SMAD1: variants seen among roughly 807,000 people sequenced by gnomAD.
SMAD1 encodes SMAD family member 1.
SMAD1 carries 6 observed loss-of-function variants against 41.6 expected under a neutral mutation model. The ratio of observed to expected loss-of-function variants is 0.14; its 90% CI spans 0.08 to 0.28. SMAD1 has a LOEUF of 0.28. Ranked by LOEUF, SMAD1 falls within the 10% of genes least tolerant of loss-of-function variation. SMAD1 has a pLI of 1.00. For synonymous variants in SMAD1, 206 were observed against 203.2 expected (o/e 1.01, Z -0.12); for missense variants, 379 against 582.6 (o/e 0.65, Z 3.60).
At chr4:145,515,170 G>GTGTGTGTGTGTGTC (rs1553945852) in intron 2 of SMAD1, among the ~76,000 whole-genome samples, 157 bp downstream of exon 2, 1 of 150,094 alleles carries the variant, frequency 6.7e-6, no homozygotes, top group Non-Finnish European at 1.5e-5. Flanking sequence ...GTGTGTGTGT[G>GTGTGTGTGTGTGTC]TGTGTGTCTG....
intron 1 of SMAD1, among the ~76,000 whole-genome samples, chr4:145,496,783 A>G (rs565074189): frequency 1.3e-3 from 198 of 152,246 alleles, no homozygotes; most frequent in Non-Finnish European, 2.0e-3. Context: ...GAGACCATGG[A>G]TGCACTTTTA....
intron 2 of SMAD1, among the ~76,000 whole-genome samples, chr4:145,524,612 C>T (rs527654050): frequency 6.6e-6 from 1 of 152,220 alleles, no homozygotes; most frequent in South Asian, 2.1e-4. Flanking sequence ...GCTTTCCTGA[C>T]GTTTGTCTTC....
intron 2 of SMAD1, among the ~76,000 whole-genome samples, chr4:145,515,412 A>G (rs1441624555): frequency 6.6e-6 from 1 of 152,212 alleles, no homozygotes; most frequent in Non-Finnish European, 1.5e-5. Flanking sequence ...GAAGAAAATT[A>G]GGAAAGAAAT....
Position 145,552,746 on chromosome 4 carries a change from CATCTT to C in SMAD1, c.998-1036_998-1032del, listed in dbSNP as rs1224843768. On this transcript the variant is annotated intron_variant, in intron 5 of 6. Coordinates refer to ENST00000302085, the MANE Select transcript of SMAD1 (RefSeq NM_005900.3). Reference sequence around the variant, plus strand: ...TCTTCCCTTTCTAAAATTTTCCAAACATCTTAGCTGTACAATAAATGCAAGAGCGC... The same window carrying C: ...TCTTCCCTTTCTAAAATTTTCCAAACAGCTGTACAATAAATGCAAGAGCGC... 5.3e-5 allele frequency among the ~76,000 whole-genome samples: 8 copies of C among 152,142 alleles called. 1 individual carries two copies. Among genetic ancestry groups the C allele is most frequent in the Admixed American group, 2.6e-4 (4 of 15,274 alleles).
chr4:145,553,305 A>G (rs769939138), intron 5 of SMAD1, among the ~76,000 whole-genome samples: 1 of 152,006 alleles, frequency 6.6e-6, no homozygotes, highest in Non-Finnish European at 1.5e-5. Context: ...TTTATCAGTC[A>G]TACATCAGCC....
chr4:145,533,915 A>C (rs1037194068), intron 2 of SMAD1, among the ~76,000 whole-genome samples: 1 of 152,192 alleles, frequency 6.6e-6, no homozygotes, highest in Non-Finnish European at 1.5e-5. Context: ...AAATTGATAT[A>C]TTGAAGCCCT....
At chr4:145,489,555 T>G (rs1728667950) in intron 1 of SMAD1, among the ~76,000 whole-genome samples, 1 of 152,212 alleles carries the variant, frequency 6.6e-6, no homozygotes, top group Non-Finnish European at 1.5e-5. Context: ...ATGTCGGAGA[T>G]ATATCCTTAA....
chr4:145,506,412 G>T (rs775978265), intron 1 of SMAD1, among the ~76,000 whole-genome samples: 2 of 151,960 alleles, frequency 1.3e-5, no homozygotes, highest in Non-Finnish European at 2.9e-5. Flanking sequence ...AGAGTTTTTG[G>T]ATTTTTTTCC....
In SMAD1 at chr4:145,523,876, A is replaced by G. The variant is rs181171566; in HGVS notation, c.400+8863A>G. 2.0e-5 allele frequency among the ~76,000 whole-genome samples: 3 copies of G among 152,126 alleles called. No individual in the cohort carries two copies. In the East Asian group the frequency reaches 5.8e-4, roughly 29 times the overall value. On this transcript the variant is annotated intron_variant, in intron 2 of 6. Coordinates refer to ENST00000302085, the MANE Select transcript of SMAD1 (RefSeq NM_005900.3). ...CTCAGGGCTTCATTCTTCAGTCTAC[A>G]TGGAAGTTCTTTTTTGGCTTTTTGT...
At chr4:145,554,124 T>C in intron 6 of SMAD1, 84 bp downstream of exon 6, 1 of 1,207,182 alleles carries the variant, frequency 8.3e-7, no homozygotes. Flanking sequence ...TATATGAATC[T>C]ATATCCTCTT....
chr4:145,482,223 A>ACCC lies in SMAD1; in HGVS notation c.-177+195_-177+197dup, dbSNP rs1190001940. ...CTCTTTCTGCGCGGGGCGGGCCGCG[A>ACCC]CCCCCCCCCCCCATGATGGCGCCTC... On this transcript the variant is annotated intron_variant, in intron 1 of 6. Coordinates refer to ENST00000302085, the MANE Select transcript of SMAD1 (RefSeq NM_005900.3). The surrounding 1 kb of genome is among the most constrained non-coding windows in gnomAD (Gnocchi z 4.2). Among the ~76,000 whole-genome samples the ACCC allele has an allele frequency of 3.8e-5, 4 of 105,466 alleles. No individual in the cohort carries two copies. Among genetic ancestry groups the ACCC allele is most frequent in the African/African-American group, 6.5e-5 (2 of 30,912 alleles). 69.2% of individuals were successfully genotyped at this position (105,466 alleles called of 152,430 possible).
At chr4:145,546,568 A>G in intron 4 of SMAD1, 135 bp from the exon 5 acceptor site, 1 of 693,056 alleles carries the variant, frequency 1.4e-6, no homozygotes, top group Non-Finnish European at 2.6e-6. Flanking sequence ...TCATAGAAAA[A>G]CTGTATACAT....
At chr4:145,502,989 G>C (rs11936636) in intron 1 of SMAD1, 2 of 152,094 alleles carry the variant, frequency 1.3e-5, no homozygotes, top group Admixed American at 6.5e-5. Context: ...CAGTGTCTGC[G>C]CTTTAAAGGC....
chr4:145,558,202 G>C lies in SMAD1; in HGVS notation c.*268G>C. ...ATTCAGACTTTTAGCAGGACTTTGT[G>C]TACAGTTAAAGGAGAGATGGCCAAG... On this transcript the variant is annotated 3_prime_UTR_variant, in exon 7 of 7. Coordinates refer to ENST00000302085, the MANE Select transcript of SMAD1 (RefSeq NM_005900.3). 1 of 267,366 alleles carries C rather than the reference G, an allele frequency of 3.7e-6. No individual in the cohort carries two copies. Among genetic ancestry groups the C allele is most frequent in the Non-Finnish European group, 7.0e-6 (1 of 142,950 alleles). The allele number at this position is 267,366 out of a possible 1,614,324, so 16.6% of individuals were successfully genotyped here. A position where few individuals can be genotyped will look rare whatever the true frequency, so the allele number is the denominator to read the frequency against.
intron 3 of SMAD1, among the ~76,000 whole-genome samples, chr4:145,540,438 A>T (rs1248820638): frequency 1.3e-5 from 2 of 152,254 alleles, no homozygotes; most frequent in Non-Finnish European, 2.9e-5. Context: ...TCGTTTTCAT[A>T]CATGGAAAAA....
chr4:145,485,723 ATT>A (rs1246440147), intron 1 of SMAD1, among the ~76,000 whole-genome samples: 1 of 152,230 alleles, frequency 6.6e-6, no homozygotes, highest in East Asian at 1.9e-4. Context: ...TGTAGATCTT[ATT>A]TATTATTAGT....
Position 145,542,568 on chromosome 4 carries a change from T to G in SMAD1, c.659-14T>G. The G allele has an allele frequency of 6.5e-7, 1 of 1,544,436 alleles. No homozygotes were observed. Among genetic ancestry groups the G allele is most frequent in the Non-Finnish European group, 8.9e-7 (1 of 1,128,468 alleles). ...ACTAAGGGTTAAGAAATAACTTCTT[T>G]AAAAACTTTGTAGCTGATACGCCCC... On this transcript the variant is annotated splice_polypyrimidine_tract_variant and intron_variant, in intron 3 of 6. Coordinates refer to ENST00000302085, the MANE Select transcript of SMAD1 (RefSeq NM_005900.3).
intron 2 of SMAD1, among the ~76,000 whole-genome samples, chr4:145,522,784 A>G (rs991097836): frequency 1.3e-5 from 2 of 151,836 alleles, no homozygotes; most frequent in African/African-American, 4.8e-5. Flanking sequence ...GGTTCAAACA[A>G]TTCTCCTGCC....
chr4:145,503,024 C>G (rs1729544782), intron 1 of SMAD1: 1 of 152,208 alleles, frequency 6.6e-6, no homozygotes, highest in Non-Finnish European at 1.5e-5. Context: ...TATTGCATCA[C>G]TATAAATAGA....
Sources: gnomAD v4.1 joint callset for allele counts (sites outside exome capture counted in the v4.1 genomes callset) on GRCh38, gnomAD v4.1.1 for gene constraint, Gnocchi (gnomAD v3.1) non-coding constraint, MANE v1.5 for transcripts, NCBI Gene and HGNC (gene_info 2026-07-23, HGNC 2026-07-21) for gene names.